MROH9: variants seen among roughly 807,000 people sequenced by gnomAD.
MROH9 encodes maestro heat like repeat family member 9.
MROH9 carries 92 observed loss-of-function variants against 98.2 expected under a neutral mutation model. The observed-to-expected ratio is 0.94, with a 90% CI of 0.79 to 1.11. The LOEUF (loss-of-function observed/expected upper bound fraction) is 1.11, where lower values mean the gene tolerates loss of function less well. Ranked by LOEUF, MROH9 falls within the 50% of genes most tolerant of loss-of-function variation. The probability of loss-of-function intolerance (pLI) is 0.00; values close to 1 mark genes in which losing one functional copy is unlikely to be tolerated. For synonymous variants in MROH9, 397 were observed against 368.9 expected (o/e 1.08, Z -0.87); for missense variants, 1,057 against 1,014.8 (o/e 1.04, Z -0.57).
chr1:171,004,973 C>T (rs962937205), intron 15 of MROH9, among the ~76,000 whole-genome samples: 8 of 140,226 alleles, frequency 5.7e-5, no homozygotes, highest in Admixed American at 4.8e-4. Flanking sequence ...TGGTCTCACA[C>T]AAACCTTATT....
At chr1:171,041,878 G>A (rs753354234) in intron 20 of MROH9, among the ~76,000 whole-genome samples, 1 of 151,796 alleles carries the variant, frequency 6.6e-6, no homozygotes, top group African/African-American at 2.4e-5. Context: ...TACATAGTAG[G>A]TGTATATATT....
Position 170,993,817 on chromosome 1 carries a change from A to G in MROH9, c.1194+1488A>G, listed in dbSNP as rs1322329466. ...AGCTCTTATGAACCACCTCTATGCA[A>G]TTGCCCATAATTTATTCCTATTGTT... On this transcript the variant is annotated intron_variant, in intron 12 of 21. Transcript: ENST00000367759. Among the ~76,000 whole-genome samples the G allele has an allele frequency of 2.6e-5, 4 of 152,058 alleles. No homozygotes were observed. In the South Asian group the frequency reaches 8.3e-4, roughly 32 times the overall value.
chr1:171,051,136 G>T (rs916066297), intron 20 of MROH9, among the ~76,000 whole-genome samples: 1 of 152,130 alleles, frequency 6.6e-6, no homozygotes, highest in Non-Finnish European at 1.5e-5. Flanking sequence ...TTACACTGTT[G>T]GTGGGAATGT....
chr1:170,943,070 A>C (rs931692484), intron 1 of MROH9, among the ~76,000 whole-genome samples: 1 of 152,178 alleles, frequency 6.6e-6, no homozygotes, highest in Non-Finnish European at 1.5e-5. Context: ...AATAAGCAAT[A>C]ATTTTAAAAG....
chr1:170,962,000 A>C (rs1263817760), intron 6 of MROH9, 24 bp downstream of exon 6: 1 of 1,329,258 alleles, frequency 7.5e-7, no homozygotes, highest in African/African-American at 1.5e-5. Context: ...AAGTAGTTTA[A>C]TTTTCTTGTC....
intron 8 of MROH9, among the ~76,000 whole-genome samples, chr1:170,978,196 C>T (rs1207529983): frequency 6.6e-6 from 1 of 151,988 alleles, no homozygotes; most frequent in African/African-American, 2.4e-5. Context: ...TGGGGTTATG[C>T]TTGTTGGAGA....
At chr1:171,049,331 G>C (rs937094760) in intron 20 of MROH9, among the ~76,000 whole-genome samples, 2 of 152,166 alleles carry the variant, frequency 1.3e-5, no homozygotes, top group Non-Finnish European at 2.9e-5. Context: ...CCCAGCCCCA[G>C]TGGCAGCAGT....
intron 3 of MROH9, among the ~76,000 whole-genome samples, chr1:170,956,595 G>GTTTT (rs5778690): frequency 2.9e-5 from 3 of 104,606 alleles, no homozygotes; most frequent in African/African-American, 1.1e-4. Flanking sequence ...TTTTTTTTTT[G>GTTTT]TTTTTTTTTT....
At chr1:170,988,995 C>T (rs2223610) in intron 10 of MROH9, among the ~76,000 whole-genome samples, 112,932 of 151,976 alleles carry the variant, frequency 0.74, 42,172 homozygotes, top group Middle Eastern at 0.91. Context: ...TTGGAACCTA[C>T]GTGGTTGGAA....
At chr1:170,954,202 C>T (rs1368025071) in intron 3 of MROH9, among the ~76,000 whole-genome samples, 1 of 151,978 alleles carries the variant, frequency 6.6e-6, no homozygotes, top group Non-Finnish European at 1.5e-5. Context: ...CCAACTGCTC[C>T]AGCCATTTAT....
At chr1:171,006,189 G>C (rs1039617293) in intron 15 of MROH9, among the ~76,000 whole-genome samples, 1 of 151,812 alleles carries the variant, frequency 6.6e-6, no homozygotes, top group South Asian at 2.1e-4. Context: ...GGACAGCTTT[G>C]TCAGGTATAG....
At chr1:171,013,364 C>T (rs1214229653) in intron 15 of MROH9, among the ~76,000 whole-genome samples, 1 of 152,102 alleles carries the variant, frequency 6.6e-6, no homozygotes, top group East Asian at 1.9e-4. Context: ...TTCATAGTAG[C>T]ACAAACCTTA....
chr1:171,008,415 G>A (rs2101826556), intron 15 of MROH9, among the ~76,000 whole-genome samples: 1 of 152,118 alleles, frequency 6.6e-6, no homozygotes, highest in South Asian at 2.1e-4. Context: ...TATTTATTAT[G>A]TGTTGCCTCT....
At chr1:171,005,573 T>C (rs550733355) in intron 15 of MROH9, among the ~76,000 whole-genome samples, 1 of 152,332 alleles carries the variant, frequency 6.6e-6, no homozygotes, top group African/African-American at 2.4e-5. Flanking sequence ...CTTTTTCATA[T>C]AGTTTATTGT....
In MROH9 at chr1:170,998,150, A is replaced by G. The variant is rs1412377469; in HGVS notation, c.1476-4A>G. ...CTAATTCAGTGCCTTATTCTCTTTTACAGAACTCTCAGTGAATATAACTTT... is the reference window on the plus strand; with the variant it reads ...CTAATTCAGTGCCTTATTCTCTTTTGCAGAACTCTCAGTGAATATAACTTT... On this transcript the variant is annotated splice_region_variant and splice_polypyrimidine_tract_variant and intron_variant, in intron 14 of 21. Coordinates refer to ENST00000367759, the MANE Select transcript of MROH9 (RefSeq NM_001163629.2). The G allele has an allele frequency of 3.1e-6, 5 of 1,594,680 alleles. No individual in the cohort carries two copies. The highest frequency in any genetic ancestry group is 3.4e-6 in the Non-Finnish European group (4 of 1,173,042).
At chr1:171,002,866 G>A (rs1225486151) in intron 15 of MROH9, among the ~76,000 whole-genome samples, 1 of 151,930 alleles carries the variant, frequency 6.6e-6, no homozygotes, top group Non-Finnish European at 1.5e-5. Context: ...TTTTAGAATT[G>A]TCTTCTTCCT....
At chr1:170,936,492 A>G (rs1038971130) in intron 1 of MROH9, among the ~76,000 whole-genome samples, 2 of 152,190 alleles carry the variant, frequency 1.3e-5, no homozygotes, top group African/African-American at 4.8e-5. Flanking sequence ...TATCATCAGA[A>G]CACCAATTTA....
chr1:171,049,472 A>G (rs1474615474), intron 20 of MROH9, among the ~76,000 whole-genome samples: 1 of 152,104 alleles, frequency 6.6e-6, no homozygotes, highest in Non-Finnish European at 1.5e-5. Context: ...GATAAAACTC[A>G]GCCAATGCCA....
At chr1:171,012,241 T>C (rs988489141) in intron 15 of MROH9, among the ~76,000 whole-genome samples, 2 of 152,062 alleles carry the variant, frequency 1.3e-5, no homozygotes, top group Non-Finnish European at 2.9e-5. Flanking sequence ...TTCTTTTTGG[T>C]TTCTTCTTTT....
Sources: allele counts gnomAD v4.1 joint callset (sites outside exome capture counted in the v4.1 genomes callset), GRCh38; gene constraint gnomAD v4.1.1; transcripts MANE v1.5; gene names NCBI Gene and HGNC (gene_info 2026-07-23, HGNC 2026-07-21).